SLC2A13: variants seen among roughly 807,000 people sequenced by gnomAD.
SLC2A13 encodes proton myo-inositol cotransporter.
SLC2A13 carries 32 observed loss-of-function variants against 64.4 expected under a neutral mutation model. That is an observed-to-expected ratio of 0.50 (90% confidence interval 0.37 to 0.67). SLC2A13 has a LOEUF of 0.67. Among genes scored for constraint, SLC2A13 ranks in the 30% least tolerant of loss-of-function variants. The pLI is 0.00. For missense variants in SLC2A13, 743 were observed against 829.2 expected (o/e 0.90, Z 1.28); for synonymous variants, 338 against 327.1 (o/e 1.03, Z -0.36).
chr12:39,960,176 C>T (rs992885402), intron 3 of SLC2A13, among the ~76,000 whole-genome samples: 11 of 152,046 alleles, frequency 7.2e-5, no homozygotes, highest in South Asian at 2.1e-4. Flanking sequence ...ATATTGATTC[C>T]GCAGTACCTG....
chr12:40,045,657 GGTT>G, intron 2 of SLC2A13, among the ~76,000 whole-genome samples: 1 of 152,002 alleles, frequency 6.6e-6, no homozygotes, highest in Middle Eastern at 3.4e-3. Context: ...AAAACAATCT[GGTT>G]GTTAATACTT....
intron 4 of SLC2A13, among the ~76,000 whole-genome samples, chr12:39,926,236 A>G (rs1401642726): frequency 6.6e-6 from 1 of 152,166 alleles, no homozygotes; most frequent in Non-Finnish European, 1.5e-5. Flanking sequence ...TAATTATAAT[A>G]TCTTATAAAA....
intron 2 of SLC2A13, among the ~76,000 whole-genome samples, chr12:40,043,930 T>C (rs1343125214): frequency 6.6e-6 from 1 of 152,158 alleles, no homozygotes; most frequent in Non-Finnish European, 1.5e-5. Flanking sequence ...TTGGAAGCAG[T>C]CTGGCCAGTC....
chr12:40,054,006 A>T (rs1314747900), intron 1 of SLC2A13, among the ~76,000 whole-genome samples: 1 of 152,208 alleles, frequency 6.6e-6, no homozygotes, highest in Non-Finnish European at 1.5e-5. Flanking sequence ...TTAAGAAGGG[A>T]TGGTTAAGTA....
chr12:39,836,045 A>G (rs1197135377), intron 6 of SLC2A13, among the ~76,000 whole-genome samples: 4 of 152,148 alleles, frequency 2.6e-5, no homozygotes, highest in Admixed American at 2.0e-4. Flanking sequence ...AGCAAGGGCC[A>G]GTTTCGTTGA....
intron 7 of SLC2A13, among the ~76,000 whole-genome samples, chr12:39,795,005 G>C (rs1941528045): frequency 6.6e-6 from 1 of 152,020 alleles, no homozygotes; most frequent in African/African-American, 2.4e-5. Flanking sequence ...TAATCTGTTT[G>C]GTGTGGATAT....
At chr12:40,074,771 T>C (rs1354464654) in intron 1 of SLC2A13, among the ~76,000 whole-genome samples, 2 of 152,144 alleles carry the variant, frequency 1.3e-5, no homozygotes, top group Non-Finnish European at 2.9e-5. Flanking sequence ...TTAACGGATA[T>C]AAATACATTG....
intron 7 of SLC2A13, among the ~76,000 whole-genome samples, chr12:39,785,089 GC>G (rs1941137273): frequency 6.6e-6 from 1 of 152,184 alleles, no homozygotes; most frequent in Non-Finnish European, 1.5e-5. Context: ...GCAGAAATTT[GC>G]ATAAGTAGCA....
intron 6 of SLC2A13, among the ~76,000 whole-genome samples, chr12:39,851,411 CTT>C (rs1160853322): frequency 3.9e-5 from 6 of 152,122 alleles, no homozygotes; most frequent in African/African-American, 1.4e-4. Context: ...CATTCTGACT[CTT>C]AACTGACAAT....
intron 1 of SLC2A13, among the ~76,000 whole-genome samples, chr12:40,080,745 TGTTGTTAGTAG>T (rs1938365795): frequency 6.6e-6 from 1 of 152,200 alleles, no homozygotes; most frequent in African/African-American, 2.4e-5. Context: ...CCTGTCAACA[TGTTGTTAGTAG>T]GTTGTTATGC....
At chr12:40,003,122 G>T (rs1471008328) in intron 3 of SLC2A13, among the ~76,000 whole-genome samples, 1 of 152,076 alleles carries the variant, frequency 6.6e-6, no homozygotes, top group Non-Finnish European at 1.5e-5. Flanking sequence ...AACCACTCCT[G>T]TAAATATGGA....
chr12:39,938,420 C>T (rs1428710855), intron 4 of SLC2A13, among the ~76,000 whole-genome samples: 3 of 150,000 alleles, frequency 2.0e-5, no homozygotes. Flanking sequence ...AAAAACACAA[C>T]AAAAATCATT....
intron 2 of SLC2A13, among the ~76,000 whole-genome samples, chr12:40,041,434 A>G (rs1565601797): frequency 6.6e-6 from 1 of 152,134 alleles, no homozygotes; most frequent in Non-Finnish European, 1.5e-5. Context: ...GAATTCTTTT[A>G]TTCAAAAAGC....
intron 4 of SLC2A13, among the ~76,000 whole-genome samples, chr12:39,895,174 C>A (rs1481716978): frequency 1.3e-5 from 2 of 151,972 alleles, no homozygotes; most frequent in Admixed American, 6.6e-5. Context: ...CAGCCAGAAC[C>A]CTGAGTAACA....
At chr12:40,070,291 T>C (rs1276232461) in intron 1 of SLC2A13, among the ~76,000 whole-genome samples, 1 of 152,040 alleles carries the variant, frequency 6.6e-6, no homozygotes, top group Admixed American at 6.6e-5. Flanking sequence ...CAAAAGAACA[T>C]GAACATTTAT....
intron 3 of SLC2A13, among the ~76,000 whole-genome samples, chr12:39,990,928 TTCA>T (rs946825561): frequency 2.0e-5 from 3 of 152,144 alleles, no homozygotes; most frequent in African/African-American, 7.2e-5. Flanking sequence ...GTCTCCTTTT[TTCA>T]TCAACGGAGC....
chr12:39,983,888 A>T (rs1420487510), intron 3 of SLC2A13, among the ~76,000 whole-genome samples: 1 of 145,568 alleles, frequency 6.9e-6, no homozygotes, highest in African/African-American at 2.6e-5. Context: ...ACGTATGTTT[A>T]TTGCGGCATT....
chr12:39,960,538 C>T (rs950568963), intron 3 of SLC2A13, among the ~76,000 whole-genome samples: 4 of 152,004 alleles, frequency 2.6e-5, no homozygotes, highest in African/African-American at 9.7e-5. Flanking sequence ...CATGACCATG[C>T]CTGGCTAATT....
Position 39,798,554 on chromosome 12 carries a change from C to T in SLC2A13, c.1445+31549G>A, listed in dbSNP as rs73272590. Among the ~76,000 whole-genome samples, 1,135 of 152,310 alleles carry T rather than the reference C, an allele frequency of 7.5e-3. 13 individuals carry two copies. The highest frequency in any genetic ancestry group is 0.026 in the African/African-American group (1,086 of 41,560). ...ACAACATACTTATTACGCATAAGAG[C>T]GCTTCAACTGTTTCTAACTGTAAAG... is the stretch of plus-strand genomic sequence containing the variant. On this transcript the variant is annotated intron_variant, in intron 7 of 9. Transcript: ENST00000280871.
Sources: gnomAD v4.1 joint callset for allele counts (sites outside exome capture counted in the v4.1 genomes callset) on GRCh38, gnomAD v4.1.1 for gene constraint, MANE v1.5 for transcripts, NCBI Gene and HGNC (gene_info 2026-07-23, HGNC 2026-07-21) for gene names.